TMEM132D: variants seen among roughly 807,000 people sequenced by gnomAD.
The protein encoded by TMEM132D is transmembrane protein 132D.
A neutral mutation model predicts 62.3 loss-of-function variants in TMEM132D; 21 were observed. The observed-to-expected ratio is 0.34, with a 90% CI of 0.24 to 0.49. TMEM132D has a LOEUF of 0.49. Among genes scored for constraint, TMEM132D ranks in the 20% least tolerant of loss-of-function variants. The pLI is 0.99. For synonymous variants in TMEM132D, 621 were observed against 575.6 expected (o/e 1.08, Z -1.13); for missense variants, 1,346 against 1,402.8 (o/e 0.96, Z 0.65).
rs966886594 is a variant in TMEM132D, at chr12:129,340,576, C to A, written c.1116-2759G>T. Among the ~76,000 whole-genome samples, 7 of 151,810 alleles carry A rather than the reference C, an allele frequency of 4.6e-5. 1 individual carries two copies. The South Asian group carries it at 1.5e-3, about 32-fold the overall frequency. ...TGCGGTGTTTGGTTTTTTGTCCTTG[C>A]AATAGTTCACTGAGAATGCTGGTTT... On this transcript the variant is annotated intron_variant, in intron 3 of 8. Coordinates refer to ENST00000422113, the MANE Select transcript of TMEM132D (RefSeq NM_133448.3).
rs150550863 is a variant in TMEM132D, at chr12:129,605,604, T to TATATATATATATATATATACAC, written c.969-74400_969-74399insGTGTATATATATATATATATAT. 1.1e-3 allele frequency among the ~76,000 whole-genome samples: 121 copies of TATATATATATATATATATACAC among 106,250 alleles called. 1 individual carries two copies. The highest frequency in any genetic ancestry group is 4.5e-3 in the African/African-American group (115 of 25,714). The allele number at this position is 106,250 out of a possible 152,430, so 69.7% of individuals were successfully genotyped here. On this transcript the variant is annotated intron_variant, in intron 2 of 8. Coordinates refer to ENST00000422113, the MANE Select transcript of TMEM132D (RefSeq NM_133448.3). ...ATTAGGCATTATATATATATATATATACACACACATATATATATACACACA... is the reference window on the plus strand; with the variant it reads ...ATTAGGCATTATATATATATATATATATATATATATATATATATACACACACACACATATATATATACACACA...
intron 1 of TMEM132D, among the ~76,000 whole-genome samples, chr12:129,839,117 A>ATTTT (rs71085578): frequency 0.042 from 860 of 20,668 alleles, 278 homozygotes; most frequent in African/African-American, 0.078. Context: ...CGCCTGGCTA[A>ATTTT]TTTTTTTTTT....
At chr12:129,183,199 C>G (rs1050244094) in intron 5 of TMEM132D, among the ~76,000 whole-genome samples, 4 of 152,222 alleles carry the variant, frequency 2.6e-5, no homozygotes, top group Non-Finnish European at 5.9e-5. Context: ...ATGGCACAAC[C>G]ACCAGCAGGC....
chr12:129,587,142 A>G (rs2137131489), intron 2 of TMEM132D, among the ~76,000 whole-genome samples: 1 of 152,326 alleles, frequency 6.6e-6, no homozygotes, highest in South Asian at 2.1e-4. Flanking sequence ...TCAACCTTAC[A>G]TGCCCATCAA....
At chr12:129,624,963 C>A (rs113140923) in intron 2 of TMEM132D, among the ~76,000 whole-genome samples, 9 of 152,236 alleles carry the variant, frequency 5.9e-5, no homozygotes, top group Non-Finnish European at 1.0e-4. Flanking sequence ...TTCCCTCTGG[C>A]GACGTGTGAG....
intron 1 of TMEM132D, among the ~76,000 whole-genome samples, chr12:129,791,185 CAGACA>C (rs1871392420): frequency 6.6e-6 from 1 of 152,082 alleles, no homozygotes; most frequent in South Asian, 2.1e-4. Flanking sequence ...AGAGGCAGGG[CAGACA>C]AGAGGAGGAA....
intron 1 of TMEM132D, among the ~76,000 whole-genome samples, chr12:129,726,067 C>T (rs1490323479): frequency 6.6e-6 from 1 of 152,186 alleles, no homozygotes; most frequent in Non-Finnish European, 1.5e-5. Context: ...ATGAGCTTCC[C>T]TGATAGACAA....
At chr12:129,619,554 C>A (rs1879008367) in intron 2 of TMEM132D, among the ~76,000 whole-genome samples, 1 of 152,188 alleles carries the variant, frequency 6.6e-6, no homozygotes, top group Non-Finnish European at 1.5e-5. Flanking sequence ...CCACTGGCTC[C>A]CCCAGCCCCA....
chr12:129,546,183 T>G (rs900604520), intron 2 of TMEM132D, among the ~76,000 whole-genome samples: 1 of 151,728 alleles, frequency 6.6e-6, no homozygotes, highest in Admixed American at 6.6e-5. Context: ...GCCCAGGTAC[T>G]CTGCCCTGCA....
rs146373662 is a variant in TMEM132D, at chr12:129,269,582, C to T, written c.1300-59919G>A. On this transcript the variant is annotated intron_variant, in intron 4 of 8. Transcript: ENST00000422113. ...GTTTGTGAGATGTGAGGTACGTTCA[C>T]GGAGGCCGTGGTAGTGAGAGACAGA... Among the ~76,000 whole-genome samples the T allele has an allele frequency of 1.1e-4, 17 of 152,206 alleles. No homozygotes were observed. The East Asian group carries it at 2.1e-3, about 19-fold the overall frequency.
chr12:129,176,485 T>A (rs1218768708), intron 5 of TMEM132D, among the ~76,000 whole-genome samples: 1 of 152,248 alleles, frequency 6.6e-6, no homozygotes, highest in African/African-American at 2.4e-5. Context: ...AAATTTTCCC[T>A]CTGCTTGGCC....
chr12:129,356,887 A>G (rs1231199310), intron 3 of TMEM132D, among the ~76,000 whole-genome samples: 2 of 141,234 alleles, frequency 1.4e-5, no homozygotes, highest in East Asian at 2.4e-4. Flanking sequence ...AGAAAGAAAC[A>G]AAACAAAGGA....
chr12:129,609,980 G>C (rs1167231519), intron 2 of TMEM132D, among the ~76,000 whole-genome samples: 3 of 152,274 alleles, frequency 2.0e-5, no homozygotes, highest in Middle Eastern at 3.4e-3. Context: ...AGTGAAAAGA[G>C]AGGGGAAGGC....
At chr12:129,339,593 A>G (rs1421932276) in intron 3 of TMEM132D, among the ~76,000 whole-genome samples, 1 of 152,154 alleles carries the variant, frequency 6.6e-6, no homozygotes, top group Non-Finnish European at 1.5e-5. Flanking sequence ...TTCTTTACAT[A>G]AGAAAAGAAT....
chr12:129,742,720 C>A (rs1481472611), intron 1 of TMEM132D, among the ~76,000 whole-genome samples: 4 of 152,116 alleles, frequency 2.6e-5, no homozygotes, highest in African/African-American at 7.2e-5. Context: ...TGAGCTTTAC[C>A]CCTCAGAACT....
intron 1 of TMEM132D, among the ~76,000 whole-genome samples, chr12:129,734,656 T>C (rs1869361289): frequency 1.3e-5 from 2 of 152,256 alleles, no homozygotes; most frequent in South Asian, 2.1e-4. Flanking sequence ...AAAATACTTA[T>C]GTATATTAAC....
intron 1 of TMEM132D, among the ~76,000 whole-genome samples, chr12:129,757,364 T>C (rs978463187): frequency 1.3e-5 from 2 of 152,158 alleles, no homozygotes; most frequent in African/African-American, 4.8e-5. Context: ...AGAGGGGTCA[T>C]TGCTTAAAGG....
chr12:129,666,780 T>C lies in TMEM132D; in HGVS notation c.968+33030A>G, dbSNP rs535506658. On this transcript the variant is annotated intron_variant, in intron 2 of 8. Transcript: ENST00000422113. ...AAATAAAAGTTGCTAAGAGTTAACA[T>C]TGTAACATGAAATTGAGTTACTGGA... Among the ~76,000 whole-genome samples, 61 of 152,338 alleles carry C rather than the reference T, an allele frequency of 4.0e-4. 1 individual carries two copies. Among genetic ancestry groups the C allele is most frequent in the African/African-American group, 1.4e-3 (58 of 41,582 alleles).
At chr12:129,276,643 C>A (rs1382258215) in intron 4 of TMEM132D, among the ~76,000 whole-genome samples, 1 of 152,170 alleles carries the variant, frequency 6.6e-6, no homozygotes, top group African/African-American at 2.4e-5. Flanking sequence ...CCTCTCAGCA[C>A]CAGACAAAGA....
Sources: allele counts gnomAD v4.1 joint callset (sites outside exome capture counted in the v4.1 genomes callset), GRCh38; gene constraint gnomAD v4.1.1; transcripts MANE v1.5; gene names NCBI Gene and HGNC (gene_info 2026-07-23, HGNC 2026-07-21).